Variants in CFAP74 observed in about 807,000 individuals in gnomAD.
CFAP74 encodes the protein cilia and flagella associated protein 74.
In CFAP74, 124 loss-of-function variants were observed where a neutral mutation model predicts 188.9. The ratio of observed to expected loss-of-function variants is 0.66; its 90% CI spans 0.57 to 0.76. The LOEUF (loss-of-function observed/expected upper bound fraction) is 0.76, where lower values mean the gene tolerates loss of function less well. CFAP74 is among the 30% of genes least tolerant of loss of function. The pLI is 0.00. For missense variants in CFAP74, 2,198 were observed against 2,165.2 expected, an observed-to-expected ratio of 1.02 and a Z score of -0.30; for synonymous variants, 956 against 916.7, an observed-to-expected ratio of 1.04 and a Z score of -0.77.
Position 1,927,360 on chromosome 1 carries a change from G to C in CFAP74, c.3527+247C>G, listed in dbSNP as rs1570818558. ...CATTCTGCACCCGGGGGGCTGGGTG[G>C]GGGGTGGTGGCTTTGCTCCCCACCC... is the stretch of plus-strand genomic sequence containing the variant. On this transcript the variant is annotated intron_variant, in intron 28 of 38. Coordinates refer to ENST00000682832, the MANE Select transcript of CFAP74 (RefSeq NM_001304360.2). 5 of 574,602 alleles carry C rather than the reference G, an allele frequency of 8.7e-6. No individual in the cohort carries two copies. In the East Asian group the frequency reaches 8.8e-5, roughly 10 times the overall value. 35.6% of individuals were successfully genotyped at this position (574,602 alleles called of 1,614,324 possible).
At chr1:1,966,175 C>T (rs375112889) in intron 12 of CFAP74, among the ~76,000 whole-genome samples, 196 bp downstream of exon 12, 13 of 152,200 alleles carry the variant, frequency 8.5e-5, no homozygotes, top group African/African-American at 1.4e-4. Context: ...CCAGGCTCCG[C>T]GAAGAGGGAA....
chr1:1,963,700 T>C, intron 14 of CFAP74, 49 bp downstream of exon 14: 1 of 1,226,492 alleles, frequency 8.2e-7, no homozygotes, highest in African/African-American at 1.5e-5. Context: ...CCTATGAACC[T>C]CCTGCTGTCC....
At chr1:1,981,062 A>G (rs35032062) in intron 6 of CFAP74, among the ~76,000 whole-genome samples, 52,454 of 152,016 alleles carry the variant, frequency 0.35, 9,164 homozygotes, top group East Asian at 0.42. Flanking sequence ...GCCTCCCGGG[A>G]CCGACGCTGG....
chr1:1,990,861 T>G lies in CFAP74; in HGVS notation c.67+29A>C, dbSNP rs754751754. On this transcript the variant is annotated intron_variant, in intron 2 of 38. Transcript: ENST00000682832. The stretch of plus-strand genomic sequence containing the variant: ...CATTTGTTTGTCTTTTTGCTGAAAC[T>G]TCCGTTACTGTGAAAGAAGCTTTAT... 1.9e-6 allele frequency: 3 copies of G among 1,586,588 alleles called. No individual in the cohort carries two copies. In the East Asian group the frequency reaches 6.7e-5, roughly 35 times the overall value.
chr1:1,985,449 A>C lies in CFAP74; in HGVS notation c.437T>G (p.Phe146Cys). ...GRLQAVSRRL[F>C]AELENERDLQ... ...GTCTCTCTCGTTCTCCAGCTCTGCA[A>C]ACAGGCGTCTGGACACGGCCTGGAG... Residue 146 changes from phenylalanine to cysteine, a missense_variant, in exon 6 of 39, where the codon TTT becomes TGT. Physicochemically the swap from Phe to Cys is radical, Grantham distance 205. Transcript: ENST00000682832. 6.2e-7 allele frequency: 1 copy of C among 1,614,080 alleles called. No homozygotes were observed. Among genetic ancestry groups the C allele is most frequent in the Non-Finnish European group, 8.5e-7 (1 of 1,180,030 alleles).
chr1:1,994,756 AC>A (rs1407843141), intron 1 of CFAP74, among the ~76,000 whole-genome samples: 1 of 152,180 alleles, frequency 6.6e-6, no homozygotes, highest in Non-Finnish European at 1.5e-5. Context: ...TAAACCATAT[AC>A]ACTGAGCATC....
rs569702174 is a variant in CFAP74, at chr1:1,935,157, A to G, written c.3011+3698T>C. On this transcript the variant is annotated intron_variant, in intron 25 of 38. Coordinates refer to ENST00000682832, the MANE Select transcript of CFAP74 (RefSeq NM_001304360.2). The stretch of plus-strand genomic sequence containing the variant: ...CGTGTGTACGTGGGTGTTAGGTTGT[A>G]GGTACACACGTGTGTACGTGGGTGT... 2.6e-5 allele frequency among the ~76,000 whole-genome samples: 2 copies of G among 76,312 alleles called. 1 individual carries two copies. The highest frequency in any genetic ancestry group is 1.1e-3 in the East Asian group (2 of 1,856). 50.1% of individuals were successfully genotyped at this position (76,312 alleles called of 152,430 possible). A position where few individuals can be genotyped will look rare whatever the true frequency, so the allele number is the denominator to read the frequency against.
chr1:1,970,923 A>C (rs1009312795), intron 9 of CFAP74, 107 bp from the exon 10 acceptor site: 4 of 1,306,198 alleles, frequency 3.1e-6, no homozygotes, highest in Non-Finnish European at 4.3e-6. Context: ...ACACGTGCAC[A>C]CACGTGCACA....
At position 1,939,494 on chromosome 1, in the gene CFAP74, T is replaced by C. The variant is rs111396470; in HGVS notation, c.2877+100A>G. 4.9e-4 allele frequency: 582 copies of C among 1,191,898 alleles called. 3 individuals carry two copies. The African/African-American group carries it at 7.4e-3, about 15-fold the overall frequency. 73.8% of individuals were successfully genotyped at this position (1,191,898 alleles called of 1,614,324 possible). A position where few individuals can be genotyped will look rare whatever the true frequency, so the allele number is the denominator to read the frequency against. ...GCTGAGAGGCGGAAGTTGGGCCACA[T>C]GCCCACGCGTGGGGGACCCTGGAGC... On this transcript the variant is annotated intron_variant, in intron 24 of 38. Transcript: ENST00000682832.
Position 1,968,923 on chromosome 1 carries a change from CG to C in CFAP74, c.1047-91del. On this transcript the variant is annotated intron_variant, in intron 10 of 38. Coordinates refer to ENST00000682832, the MANE Select transcript of CFAP74 (RefSeq NM_001304360.2). The surrounding 1 kb of genome is among the most constrained non-coding windows in gnomAD (Gnocchi z 4.3). ...ACAGTGCCCGGCGGCCCCTCCCTAG[CG>C]CCCTCCTGGGGGCTCCGGTCCTGCC... is the stretch of plus-strand genomic sequence containing the variant. 2.4e-6 allele frequency: 3 copies of C among 1,232,926 alleles called. No homozygotes were observed. Among genetic ancestry groups the C allele is most frequent in the Non-Finnish European group, 2.3e-6 (2 of 874,090 alleles). 76.4% of individuals were successfully genotyped at this position (1,232,926 alleles called of 1,614,324 possible). A position where few individuals can be genotyped will look rare whatever the true frequency, so the allele number is the denominator to read the frequency against.
intron 6 of CFAP74, among the ~76,000 whole-genome samples, chr1:1,974,906 G>C (rs931706721): frequency 2.6e-5 from 4 of 152,254 alleles, no homozygotes; most frequent in African/African-American, 9.6e-5. Flanking sequence ...GGCCAGGTGA[G>C]AGCCGCTGGA....
intron 11 of CFAP74, among the ~76,000 whole-genome samples, chr1:1,966,899 C>T (rs372640458): frequency 2.0e-5 from 3 of 150,624 alleles, no homozygotes; most frequent in Admixed American, 2.0e-4. Context: ...TGTAGCAGCG[C>T]GATCTCAGCT....
rs548009190 is a variant in CFAP74 at position 1,935,098 on chromosome 1, G to C, written c.3011+3757C>G. Among the ~76,000 whole-genome samples the C allele has an allele frequency of 9.1e-4, 68 of 75,088 alleles. 19 individuals are homozygous for C. In the East Asian group the frequency reaches 0.023, roughly 25 times the overall value. 49.3% of individuals were successfully genotyped at this position (75,088 alleles called of 152,430 possible). A position where few individuals can be genotyped will look rare whatever the true frequency, so the allele number is the denominator to read the frequency against. ...GTGGGTGTTAGGTTGTGGGTACACA[G>C]GTGTGTACGTGGGTGTTAGGTTGTA... On this transcript the variant is annotated intron_variant, in intron 25 of 38. Transcript: ENST00000682832.
chr1:1,974,281 C>A, intron 6 of CFAP74, 83 bp from the exon 7 acceptor site: 2 of 1,401,080 alleles, frequency 1.4e-6, no homozygotes, highest in Non-Finnish European at 1.9e-6. Flanking sequence ...TCTGACAAAT[C>A]CTCCAGGCAG....
At chr1:1,986,241 G>A (rs1055283202) in intron 5 of CFAP74, among the ~76,000 whole-genome samples, 2 of 152,190 alleles carry the variant, frequency 1.3e-5, no homozygotes, top group African/African-American at 4.8e-5. Context: ...AAAAAAATTA[G>A]CCAGGTGTGG....
chr1:1,928,741 G>A, intron 27 of CFAP74, 43 bp downstream of exon 27: 2 of 1,438,678 alleles, frequency 1.4e-6, no homozygotes, highest in Non-Finnish European at 9.4e-7. Flanking sequence ...CCTGCAACAG[G>A]CCCTTCCCCG....
chr1:1,967,008 T>C (rs1366630164), intron 11 of CFAP74, among the ~76,000 whole-genome samples: 1 of 152,152 alleles, frequency 6.6e-6, no homozygotes, highest in African/African-American at 2.4e-5. Context: ...AGCTAATTTT[T>C]TGTATTTTTA....
At chr1:2,003,268 A>G (rs1417579778) in intron 1 of CFAP74, among the ~76,000 whole-genome samples, 1 of 152,228 alleles carries the variant, frequency 6.6e-6, no homozygotes. Context: ...TGCAGATAAA[A>G]GGAGTATTCC....
intron 21 of CFAP74, among the ~76,000 whole-genome samples, chr1:1,943,841 G>A (rs1653556074): frequency 6.6e-6 from 1 of 152,220 alleles, no homozygotes; most frequent in African/African-American, 2.4e-5. Flanking sequence ...GTGCGGGCAG[G>A]GCCGTGCCCT....
Sources: allele counts gnomAD v4.1 joint callset (sites outside exome capture counted in the v4.1 genomes callset), GRCh38; gene constraint gnomAD v4.1.1; non-coding constraint Gnocchi (gnomAD v3.1); transcripts MANE v1.5; gene names NCBI Gene and HGNC (gene_info 2026-07-23, HGNC 2026-07-21).